TENT2: variants seen among roughly 807,000 people sequenced by gnomAD.
TENT2 encodes the protein poly(A) RNA polymerase GLD2.
In TENT2, 44 loss-of-function variants were observed where a neutral mutation model predicts 72.2. That is an observed-to-expected ratio of 0.61 (90% CI 0.48 to 0.78). The LOEUF is 0.78. Ranked by LOEUF, TENT2 falls within the 30% of genes least tolerant of loss-of-function variation. The pLI is 0.00. For missense variants in TENT2, 541 were observed against 569.6 expected (o/e 0.95, Z 0.51); for synonymous variants, 212 against 192.5 (o/e 1.10, Z -0.84).
chr5:79,669,429 C>G (rs2150660940), intron 12 of TENT2, among the ~76,000 whole-genome samples: 1 of 152,276 alleles, frequency 6.6e-6, no homozygotes, highest in South Asian at 2.1e-4. Flanking sequence ...TACTTGGCAT[C>G]TTCGTAAATA....
Position 79,686,510 on chromosome 5 carries a change from C to T in TENT2, c.*1237C>T, listed in dbSNP as rs577079180. ...CTGTAGTACAGTTTTGTACCTCTAA[C>T]GTATTTTTTTTTTGCAGACCAAATG... On this transcript the variant is annotated 3_prime_UTR_variant, in exon 15 of 15. Coordinates refer to ENST00000453514, the MANE Select transcript of TENT2 (RefSeq NM_001114394.3). 8 of 151,558 alleles carry T rather than the reference C, an allele frequency of 5.3e-5. No individual in the cohort carries two copies. The highest frequency in any genetic ancestry group is 2.1e-4 in the South Asian group (1 of 4,816). The allele number at this position is 151,558 out of a possible 1,614,324, so 9.4% of individuals were successfully genotyped here. A position where few individuals can be genotyped will look rare whatever the true frequency, so the allele number is the denominator to read the frequency against.
chr5:79,648,829 C>T, intron 9 of TENT2, 136 bp downstream of exon 9: 1 of 799,534 alleles, frequency 1.3e-6, no homozygotes, highest in Admixed American at 2.9e-5. Flanking sequence ...TATGTTGCTA[C>T]ACTAAAATCA....
intron 13 of TENT2, among the ~76,000 whole-genome samples, chr5:79,681,191 C>CT (rs1175184757): frequency 5.3e-5 from 5 of 94,642 alleles, no homozygotes; most frequent in Non-Finnish European, 5.7e-5. Context: ...GATGGAGTCT[C>CT]TCTCTTTCGC....
chr5:79,618,578 C>T (rs1285200896), intron 1 of TENT2, among the ~76,000 whole-genome samples: 1 of 151,478 alleles, frequency 6.6e-6, no homozygotes, highest in Admixed American at 6.6e-5. Context: ...TATGCAATGT[C>T]TTTTCATTAA....
intron 1 of TENT2, among the ~76,000 whole-genome samples, chr5:79,614,234 C>T (rs1203438806): frequency 6.6e-6 from 1 of 151,032 alleles, no homozygotes; most frequent in African/African-American, 2.4e-5. Context: ...TGCCGAGTAG[C>T]TGGGATTACA....
rs923129462 is a variant in TENT2, at chr5:79,614,794, C to G, written c.-38+1719C>G. ...TGTATTTTGTGAAACTCTACAGTCTCTTTAAAAAAATGATTATGTTGTTTA... is the reference window on the plus strand; with the variant it reads ...TGTATTTTGTGAAACTCTACAGTCTGTTTAAAAAAATGATTATGTTGTTTA... On this transcript the variant is annotated intron_variant, in intron 1 of 14. Transcript: ENST00000453514. 4.6e-5 allele frequency among the ~76,000 whole-genome samples: 7 copies of G among 152,022 alleles called. No homozygotes were observed. The East Asian group carries it at 1.2e-3, about 25-fold the overall frequency.
At chr5:79,681,811 A>G (rs1822188345) in intron 13 of TENT2, 171 bp from the exon 14 acceptor site, 2 of 541,090 alleles carry the variant, frequency 3.7e-6, no homozygotes, top group South Asian at 2.5e-5. Flanking sequence ...TTCATAGTAT[A>G]TCAAGCTTTT....
At position 79,687,255 on chromosome 5, in the gene TENT2, A is replaced by T. The variant is rs908929656; in HGVS notation, c.*1982A>T. ...AACTGGCCAAATATCAGATAAGTGA[A>T]CTGTTAATATATGAGAGAATTTTCT... On this transcript the variant is annotated 3_prime_UTR_variant, in exon 15 of 15. Transcript: ENST00000453514. 1.3e-5 allele frequency among the ~76,000 whole-genome samples: 2 copies of T among 152,212 alleles called. No homozygotes were observed. The highest frequency in any genetic ancestry group is 4.8e-5 in the African/African-American group (2 of 41,458).
At chr5:79,671,301 G>T (rs754361256) in intron 12 of TENT2, among the ~76,000 whole-genome samples, 20 of 152,072 alleles carry the variant, frequency 1.3e-4, no homozygotes, top group Admixed American at 2.6e-4. Context: ...TGTAGTCATG[G>T]TAATAAACTA....
intron 11 of TENT2, among the ~76,000 whole-genome samples, chr5:79,665,291 G>A (rs1806555000): frequency 6.6e-6 from 1 of 152,116 alleles, no homozygotes; most frequent in South Asian, 2.1e-4. Flanking sequence ...TTTACCTGGA[G>A]ATGGAAAGTG....
At chr5:79,624,060 T>C (rs1215917127) in intron 4 of TENT2, among the ~76,000 whole-genome samples, 6 of 152,216 alleles carry the variant, frequency 3.9e-5, no homozygotes, top group Admixed American at 1.3e-4. Context: ...TATCTAATAA[T>C]AGAAACATAT....
At chr5:79,631,958 T>C (rs752665312) in intron 4 of TENT2, among the ~76,000 whole-genome samples, 13 of 152,080 alleles carry the variant, frequency 8.5e-5, no homozygotes, top group Non-Finnish European at 1.5e-4. Flanking sequence ...GTTTCCAGAG[T>C]TGAATGGCAT....
chr5:79,637,009 G>A (rs1580337126), intron 4 of TENT2, among the ~76,000 whole-genome samples: 1 of 152,094 alleles, frequency 6.6e-6, no homozygotes, highest in East Asian at 1.9e-4. Flanking sequence ...TTCTTCTGGT[G>A]TGCTTTATTG....
At chr5:79,631,403 A>C (rs1225482572) in intron 4 of TENT2, among the ~76,000 whole-genome samples, 1 of 152,186 alleles carries the variant, frequency 6.6e-6, no homozygotes, top group East Asian at 1.9e-4. Context: ...TGCCTTTAAG[A>C]AGCTTTTGAA....
intron 11 of TENT2, chr5:79,668,610 T>A: frequency 7.5e-6 from 2 of 266,278 alleles, no homozygotes; most frequent in East Asian, 8.3e-5. Flanking sequence ...TAGTAAGGTT[T>A]TATTTATGAG....
intron 1 of TENT2, among the ~76,000 whole-genome samples, chr5:79,613,288 T>A (rs1024377154): frequency 6.6e-6 from 1 of 152,196 alleles, no homozygotes; most frequent in Non-Finnish European, 1.5e-5. Flanking sequence ...AACTTATGGA[T>A]TCTCTAAATT....
rs1825738225 is a variant in TENT2, at chr5:79,685,411, A to T, written c.*138A>T. 2 of 532,426 alleles carry T rather than the reference A, an allele frequency of 3.8e-6. No individual in the cohort carries two copies. The highest frequency in any genetic ancestry group is 7.0e-5 in the South Asian group (2 of 28,432). The allele number at this position is 532,426 out of a possible 1,614,324, so 33.0% of individuals were successfully genotyped here. A position where few individuals can be genotyped will look rare whatever the true frequency, so the allele number is the denominator to read the frequency against. On this transcript the variant is annotated 3_prime_UTR_variant, in exon 15 of 15. Transcript: ENST00000453514. ...GTTTTATTTTTAAAAAGACATATAA[A>T]GATTGCATATTTTATTATGACATTT...
At position 79,683,115 on chromosome 5, in the gene TENT2, A is replaced by G. The variant is rs182942958; in HGVS notation, c.1380+1054A>G. 3.3e-4 allele frequency among the ~76,000 whole-genome samples: 50 copies of G among 152,192 alleles called. No homozygotes were observed. The East Asian group carries it at 9.3e-3, about 28-fold the overall frequency. On this transcript the variant is annotated intron_variant, in intron 14 of 14. Transcript: ENST00000453514. The stretch of plus-strand genomic sequence containing the variant: ...GCTATTATCAAGTTGCTGCACTTCA[A>G]GCCTAGACAACAGAGTGAGAGACTC...
intron 3 of TENT2, among the ~76,000 whole-genome samples, chr5:79,621,964 A>G (rs1765379162): frequency 6.6e-6 from 1 of 151,998 alleles, no homozygotes; most frequent in Admixed American, 6.6e-5. Flanking sequence ...TTGCAGATCT[A>G]TCAAGGAGAG....
Sources: allele counts gnomAD v4.1 joint callset (sites outside exome capture counted in the v4.1 genomes callset), GRCh38; gene constraint gnomAD v4.1.1; transcripts MANE v1.5; gene names NCBI Gene and HGNC (gene_info 2026-07-23, HGNC 2026-07-21).